The following ARSB variants were observed in gnomAD, a reference collection of about 807,000 sequenced individuals.
ARSB encodes N-acetylgalactosamine-4-sulfatase.
ARSB carries 41 observed loss-of-function variants against 50.9 expected under a neutral mutation model. That is an observed-to-expected ratio of 0.81 (90% confidence interval 0.63 to 1.04). The LOEUF (loss-of-function observed/expected upper bound fraction) is 1.04, where lower values mean the gene tolerates loss of function less well. ARSB is among the 50% of genes least tolerant of loss of function. The pLI is 0.00. For missense variants in ARSB, 672 were observed against 693.3 expected, an observed-to-expected ratio of 0.97 and a Z score of 0.35; for synonymous variants, 269 against 284.8, an observed-to-expected ratio of 0.94 and a Z score of 0.56.
At position 78,940,278 on chromosome 5, in the gene ARSB, T is replaced by G. The variant is rs542992594; in HGVS notation, c.898+15017A>C. On this transcript the variant is annotated intron_variant, in intron 4 of 7. Coordinates refer to ENST00000264914, the MANE Select transcript of ARSB (RefSeq NM_000046.5). Reference sequence around the variant, plus strand: ...TTTCTTTTGCTGTGCAGAAGCTCTTTAGTTTAATTAGATCCCATTTGTCTA... The same window carrying G: ...TTTCTTTTGCTGTGCAGAAGCTCTTGAGTTTAATTAGATCCCATTTGTCTA... Among the ~76,000 whole-genome samples, 66 of 152,216 alleles carry G rather than the reference T, an allele frequency of 4.3e-4. No homozygotes were observed. In the South Asian group the frequency reaches 9.8e-3, roughly 23 times the overall value.
At chr5:78,830,962 A>C (rs934736755) in intron 6 of ARSB, among the ~76,000 whole-genome samples, 5 of 152,196 alleles carry the variant, frequency 3.3e-5, no homozygotes, top group African/African-American at 1.2e-4. Context: ...TGCTTACCGG[A>C]ACCCTCCTTG....
rs940793510 is a variant in ARSB, at chr5:78,779,340, A to G, written c.*1057T>C. The G allele has an allele frequency of 2.6e-5, 4 of 152,204 alleles. No homozygotes were observed. The highest frequency in any genetic ancestry group is 2.9e-5 in the Non-Finnish European group (2 of 68,038). The allele number at this position is 152,204 out of a possible 1,614,324, so 9.4% of individuals were successfully genotyped here. A position where few individuals can be genotyped will look rare whatever the true frequency, so the allele number is the denominator to read the frequency against. ...TTTACCAAGGCCCAGTATCCCAGAC[A>G]CTGGCCACTTGCTTTTTCATATCCT... On this transcript the variant is annotated 3_prime_UTR_variant, in exon 8 of 8. Transcript: ENST00000264914.
chr5:78,885,973 T>G, intron 4 of ARSB, 146 bp from the exon 5 acceptor site: 1 of 1,309,764 alleles, frequency 7.6e-7, no homozygotes, highest in Middle Eastern at 2.6e-4. Context: ...CTAAATTCCC[T>G]TTTCCCATTG....
chr5:78,786,570 G>A (rs982132392), intron 6 of ARSB, among the ~76,000 whole-genome samples: 7 of 152,080 alleles, frequency 4.6e-5, no homozygotes, highest in African/African-American at 1.4e-4. Context: ...TTAACCTTTC[G>A]AGTAACTGCA....
At chr5:78,940,069 A>G (rs182357974) in intron 4 of ARSB, among the ~76,000 whole-genome samples, 1 of 152,342 alleles carries the variant, frequency 6.6e-6, no homozygotes, top group African/African-American at 2.4e-5. Context: ...TTTTGGCTGC[A>G]TAAATGTCTT....
At chr5:78,920,569 G>A (rs1458837468) in intron 4 of ARSB, among the ~76,000 whole-genome samples, 5 of 152,220 alleles carry the variant, frequency 3.3e-5, no homozygotes, top group African/African-American at 9.6e-5. Flanking sequence ...CCATACCTGC[G>A]GCGGGTTATC....
chr5:78,853,364 A>C (rs1470264943), intron 5 of ARSB, among the ~76,000 whole-genome samples: 2 of 152,202 alleles, frequency 1.3e-5, no homozygotes, highest in Admixed American at 1.3e-4. Flanking sequence ...GTGGCTGCAG[A>C]ACAGCGGATT....
Position 78,885,640 on chromosome 5 carries a change from C to T in ARSB, c.1086G>A (p.Arg362=), listed in dbSNP as rs144879531. 6.5e-5 allele frequency: 105 copies of T among 1,613,960 alleles called. No individual in the cohort carries two copies. The highest frequency in any genetic ancestry group is 2.5e-4 in the South Asian group (23 of 91,086). Residue 362 remains arginine, a synonymous_variant, in exon 5 of 8, where the codon AGG becomes AGA. Transcript: ENST00000264914. ...GAGGCTTTGTGCCATTGGTGTGTCC[C>T]CTGGCCAGCTTCACGAGTGTTGGCA... is the stretch of plus-strand genomic sequence containing the variant. ...DWLPTLVKLA[R]GHTNGTKPLD... is the part of the protein sequence containing the mutation.
intron 4 of ARSB, among the ~76,000 whole-genome samples, chr5:78,942,090 C>T (rs923715766): frequency 3.0e-4 from 45 of 152,298 alleles, no homozygotes; most frequent in African/African-American, 9.9e-4. Context: ...GTAGTATTCT[C>T]TGATGGTAGT....
In ARSB at chr5:78,969,084, G is replaced by T; in HGVS notation, c.421C>A (p.His141Asn). 6.2e-7 allele frequency: 1 copy of T among 1,614,176 alleles called. No homozygotes were observed. Among genetic ancestry groups the T allele is most frequent in the Non-Finnish European group, 8.5e-7 (1 of 1,180,032 alleles). ...CCCAGGTGCCATTTTCCGACCATAT[G>T]GGTAGTATAACCTGCTTCTTTTAGG... The part of the protein sequence containing the change: ...QLLKEAGYTT[H>N]MVGKWHLGMY... Residue 141 changes from histidine to asparagine, a missense_variant, in exon 2 of 8, where the codon CAT becomes AAT. Transcript: ENST00000264914.
intron 5 of ARSB, among the ~76,000 whole-genome samples, chr5:78,867,467 A>G (rs1746833054): frequency 6.6e-6 from 1 of 152,224 alleles, no homozygotes; most frequent in Non-Finnish European, 1.5e-5. Flanking sequence ...GCAGCTGGAG[A>G]TCTGAGAACG....
At chr5:78,849,307 A>G (rs1157243912) in intron 5 of ARSB, among the ~76,000 whole-genome samples, 1 of 152,080 alleles carries the variant, frequency 6.6e-6, no homozygotes, top group Admixed American at 6.5e-5. Flanking sequence ...TCCCAGCACC[A>G]TTTATTAAAT....
At position 78,781,940 on chromosome 5, in the gene ARSB, G is replaced by A; in HGVS notation, c.1248C>T (p.Asp416=). ...PRNSMAPAKD[D]SSLPEYSAFN... ...AGGCTGAATATTCTGGAAGAGAAGA[G>A]TCATCCTTTGCTGGAGCCATGCTGT... Residue 416 remains aspartate (D), a synonymous_variant, in exon 7 of 8, where the codon GAC becomes GAT. Coordinates refer to ENST00000264914, the MANE Select transcript of ARSB (RefSeq NM_000046.5). The A allele has an allele frequency of 1.2e-6, 2 of 1,614,146 alleles. No individual in the cohort carries two copies. Among genetic ancestry groups the A allele is most frequent in the African/African-American group, 1.3e-5 (1 of 75,062 alleles).
chr5:78,924,869 T>C (rs1749975457), intron 4 of ARSB, among the ~76,000 whole-genome samples: 2 of 152,306 alleles, frequency 1.3e-5, no homozygotes, highest in African/African-American at 4.8e-5. Flanking sequence ...ATTAAAATCA[T>C]TTTTCTTTTC....
intron 3 of ARSB, among the ~76,000 whole-genome samples, chr5:78,958,501 C>T (rs1751834782): frequency 6.6e-6 from 1 of 152,188 alleles, no homozygotes; most frequent in African/African-American, 2.4e-5. Flanking sequence ...TCATTCTACT[C>T]ACTTTGTTAA....
intron 4 of ARSB, among the ~76,000 whole-genome samples, chr5:78,931,939 T>C (rs563835690): frequency 2.3e-4 from 35 of 152,202 alleles, no homozygotes; most frequent in African/African-American, 7.7e-4. Context: ...CCTGCCACCA[T>C]GTAAGATGTG....
intron 6 of ARSB, among the ~76,000 whole-genome samples, chr5:78,832,351 T>G (rs2112698310): frequency 6.6e-6 from 1 of 152,186 alleles, no homozygotes; most frequent in East Asian, 1.9e-4. Context: ...TCCAGCAGGG[T>G]GGGGAGAGGC....
chr5:78,981,635 T>A (rs1752909129), intron 1 of ARSB, among the ~76,000 whole-genome samples: 1 of 152,196 alleles, frequency 6.6e-6, no homozygotes, highest in Admixed American at 6.5e-5. Context: ...TCAGCCCAAC[T>A]CCTCTGTTTC....
intron 4 of ARSB, among the ~76,000 whole-genome samples, chr5:78,935,001 C>T (rs1054648691): frequency 1.3e-5 from 2 of 151,910 alleles, no homozygotes; most frequent in African/African-American, 4.8e-5. Context: ...CTTTAAGCAT[C>T]ACATTTAATT....
Sources: gnomAD v4.1 joint callset for allele counts (sites outside exome capture counted in the v4.1 genomes callset) on GRCh38, gnomAD v4.1.1 for gene constraint, MANE v1.5 for transcripts, NCBI Gene and HGNC (gene_info 2026-07-23, HGNC 2026-07-21) for gene names.